CFAP47: variants seen among roughly 807,000 people sequenced by gnomAD.
The protein encoded by CFAP47 is cilia- and flagella-associated protein 47.
Under a neutral mutation model 148.1 loss-of-function variants are expected in CFAP47, and 29 were observed. The ratio of observed to expected loss-of-function variants is 0.20; its 90% CI spans 0.15 to 0.27. CFAP47 has a LOEUF of 0.27. Ranked by LOEUF, CFAP47 falls within the 10% of genes least tolerant of loss-of-function variation. The probability of loss-of-function intolerance (pLI) is 1.00; values close to 1 mark genes in which losing one functional copy is unlikely to be tolerated. For missense variants in CFAP47, 1,872 were observed against 1,697.5 expected (o/e 1.10, Z -1.81); for synonymous variants, 664 against 577.3 (o/e 1.15, Z -2.15).
chrX:36,333,163 T>G (rs782063665), intron 57 of CFAP47, among the ~76,000 whole-genome samples: 1 of 111,467 alleles, frequency 9.0e-6, no homozygotes, highest in African/African-American at 3.3e-5. Flanking sequence ...ACTAGTTCTT[T>G]TGGGTCATCC....
In CFAP47 at chrX:36,039,118, C is replaced by G. The variant is rs2146725836; in HGVS notation, c.3946C>G (p.Pro1316Ala). ...TGACCCTCCATTTATATTTTTCACT[C>G]CTGTTCCTTTGGATATAACAACTGT... The part of the protein sequence containing the change: ...LFDPPFIFFT[P>A]VPLDITTVMD... Residue 1316 changes from proline to alanine, a missense_variant, in exon 25 of 64, where the codon CCT becomes GCT. By Grantham distance (27) the Pro-to-Ala change is conservative. Coordinates refer to ENST00000378653, the MANE Select transcript of CFAP47 (RefSeq NM_001304548.2). 1.8e-6 allele frequency: 2 copies of G among 1,109,117 alleles called. No individual in the cohort carries two copies. The highest frequency in any genetic ancestry group is 2.4e-6 in the Non-Finnish European group (2 of 823,389). 91.4% of individuals were successfully genotyped at this position (1,109,117 alleles called of 1,213,427 possible).
chrX:36,342,459 T>C (rs2146979569), intron 57 of CFAP47, among the ~76,000 whole-genome samples: 1 of 111,900 alleles, frequency 8.9e-6, no homozygotes, highest in South Asian at 3.7e-4. Context: ...AAGCAGTTAG[T>C]CTTACTAGAA....
chrX:36,341,971 A>G (rs1282762650), intron 57 of CFAP47, among the ~76,000 whole-genome samples: 1 of 111,162 alleles, frequency 9.0e-6, no homozygotes, highest in Non-Finnish European at 1.9e-5. Context: ...TAGTTAAATT[A>G]TATAGTGACT....
chrX:36,080,161 C>G (rs1468590751), intron 29 of CFAP47, among the ~76,000 whole-genome samples: 1 of 111,812 alleles, frequency 8.9e-6, no homozygotes, highest in African/African-American at 3.3e-5. Flanking sequence ...ATTTATGCAG[C>G]CAACAAACAC....
chrX:35,992,644 G>C (rs1350709073), intron 17 of CFAP47, among the ~76,000 whole-genome samples: 1 of 110,937 alleles, frequency 9.0e-6, no homozygotes, highest in Non-Finnish European at 1.9e-5. Flanking sequence ...AATTATTCTA[G>C]CTTAAAGCAT....
At chrX:36,163,690 A>G (rs1490892278) in intron 39 of CFAP47, among the ~76,000 whole-genome samples, 1 of 111,078 alleles carries the variant, frequency 9.0e-6, no homozygotes, top group African/African-American at 3.3e-5. Context: ...GCTCACTGCA[A>G]CGTCTGCCTC....
intron 29 of CFAP47, among the ~76,000 whole-genome samples, chrX:36,075,204 TA>T (rs1438994493): frequency 9.0e-5 from 9 of 99,939 alleles, no homozygotes; most frequent in African/African-American, 3.4e-4. Context: ...GTATTATTTT[TA>T]TTTATTTATT....
At position 35,951,295 on chromosome X, in the gene CFAP47, A is replaced by G. The variant is rs1306955056; in HGVS notation, c.821A>G (p.Asn274Ser). 2 of 1,208,763 alleles carry G rather than the reference A, an allele frequency of 1.7e-6. No homozygotes were observed. The highest frequency in any genetic ancestry group is 2.2e-6 in the Non-Finnish European group (2 of 894,610). Residue 274 changes from asparagine to serine, a missense_variant, in exon 5 of 64, where the codon AAT becomes AGT. Transcript: ENST00000378653. Reference protein sequence around the residue: ...SSKIKHARVYNNSPEPINWVA... With the variant: ...SSKIKHARVYSNSPEPINWVA... ...AAAATTAAACATGCACGTGTATACA[A>G]TAATAGCCCAGAGCCCATAAATTGG...
intron 49 of CFAP47, among the ~76,000 whole-genome samples, chrX:36,263,314 T>TA (rs1403400220): frequency 2.7e-5 from 3 of 112,346 alleles, no homozygotes; most frequent in African/African-American, 9.7e-5. Flanking sequence ...CTGCTGCTTT[T>TA]AGGATCCTTC....
Position 36,207,084 on chromosome X carries a change from C to T in CFAP47, c.6817+1974C>T, listed in dbSNP as rs1019571836. Among the ~76,000 whole-genome samples, 29 of 111,393 alleles carry T rather than the reference C, an allele frequency of 2.6e-4. No individual in the cohort carries two copies. In the Admixed American group the frequency reaches 2.8e-3, roughly 11 times the overall value. ...AGTAACAAATGAAATAAAAGGCATG[C>T]CCTAAACTCTGTGCATTCTGCTGTT... On this transcript the variant is annotated intron_variant, in intron 45 of 63. Transcript: ENST00000378653.
intron 46 of CFAP47, among the ~76,000 whole-genome samples, chrX:36,230,314 A>G (rs1286457422): frequency 3.7e-5 from 4 of 107,524 alleles, no homozygotes; most frequent in African/African-American, 6.9e-5. Context: ...AACTGGTGTG[A>G]GATGGTATCT....
At chrX:36,138,992 A>C (rs1157535244) in intron 35 of CFAP47, among the ~76,000 whole-genome samples, 1 of 111,691 alleles carries the variant, frequency 9.0e-6, no homozygotes, top group Non-Finnish European at 1.9e-5. Flanking sequence ...TTACTATTTT[A>C]TGAGCCTTTT....
chrX:36,060,904 A>G (rs1937588574), intron 26 of CFAP47, among the ~76,000 whole-genome samples: 2 of 111,721 alleles, frequency 1.8e-5, no homozygotes, highest in Non-Finnish European at 3.8e-5. Context: ...ACAAGTGACA[A>G]TCACATTATA....
chrX:36,215,244 G>A (rs1281000670), intron 45 of CFAP47, among the ~76,000 whole-genome samples: 2 of 111,494 alleles, frequency 1.8e-5, no homozygotes, highest in East Asian at 5.7e-4. Context: ...TCTCTGCAAA[G>A]TACCCTTGAG....
At chrX:36,335,416 C>T (rs1386886593) in intron 57 of CFAP47, among the ~76,000 whole-genome samples, 1 of 111,342 alleles carries the variant, frequency 9.0e-6, no homozygotes, top group African/African-American at 3.3e-5. Flanking sequence ...ACAAATACCC[C>T]CCGCCTCAAA....
At chrX:36,172,307 C>T (rs772102245) in intron 39 of CFAP47, among the ~76,000 whole-genome samples, 5,393 of 103,140 alleles carry the variant, frequency 0.052, 240 homozygotes, top group African/African-American at 0.098. Flanking sequence ...TCCTGCCTGA[C>T]TGCCCTGGCC....
intron 45 of CFAP47, among the ~76,000 whole-genome samples, chrX:36,206,829 GA>G (rs1203570096): frequency 9.0e-6 from 1 of 111,526 alleles, no homozygotes; most frequent in East Asian, 2.8e-4. Context: ...GTCAAAATAT[GA>G]AAAAATAAAA....
chrX:36,074,786 G>A (rs1018359899), intron 29 of CFAP47, among the ~76,000 whole-genome samples: 5 of 110,293 alleles, frequency 4.5e-5, no homozygotes, highest in South Asian at 3.8e-4. Context: ...AACATCTCTC[G>A]GGTCCCTCAA....
chrX:36,010,193 A>C (rs184668710), intron 21 of CFAP47, among the ~76,000 whole-genome samples: 57 of 111,726 alleles, frequency 5.1e-4, no homozygotes, highest in Non-Finnish European at 9.4e-4. Context: ...TACATATGTA[A>C]ATATTTTAGC....
Sources: allele counts gnomAD v4.1 joint callset (sites outside exome capture counted in the v4.1 genomes callset), GRCh38; gene constraint gnomAD v4.1.1; transcripts MANE v1.5; gene names NCBI Gene and HGNC (gene_info 2026-07-23, HGNC 2026-07-21).